The following ADAM28 variants were observed in gnomAD, a reference collection of about 807,000 sequenced individuals.
ADAM28 encodes disintegrin and metalloproteinase domain-containing protein 28.
A neutral mutation model predicts 101.2 loss-of-function variants in ADAM28; 105 were observed. The observed-to-expected ratio is 1.04, with a 90% CI of 0.89 to 1.22. The LOEUF (loss-of-function observed/expected upper bound fraction) is 1.22, where lower values mean the gene tolerates loss of function less well. Ranked by LOEUF, ADAM28 falls within the 50% of genes most tolerant of loss-of-function variation. The pLI, the probability that ADAM28 is intolerant of heterozygous loss-of-function variation, is 0.00. For missense variants in ADAM28, 1,028 were observed against 945.4 expected, an observed-to-expected ratio of 1.09 and a Z score of -1.15; for synonymous variants, 322 against 310.6, an observed-to-expected ratio of 1.04 and a Z score of -0.39.
chr8:24,334,505 T>C (rs888153168), intron 13 of ADAM28, among the ~76,000 whole-genome samples: 4 of 152,106 alleles, frequency 2.6e-5, no homozygotes, highest in African/African-American at 9.7e-5. Context: ...TGAAAAAAGA[T>C]TTTAGACAGA....
At chr8:24,314,056 C>T (rs991089703) in intron 6 of ADAM28, among the ~76,000 whole-genome samples, 18 of 151,988 alleles carry the variant, frequency 1.2e-4, no homozygotes, top group African/African-American at 2.9e-4. Flanking sequence ...CGCACTTAGC[C>T]GGAATCAACT....
rs745965397 is a variant in ADAM28, at chr8:24,339,560, C to G, written c.1662C>G (p.Cys554Trp). 1 of 1,611,362 alleles carries G rather than the reference C, an allele frequency of 6.2e-7. No homozygotes were observed. The highest frequency in any genetic ancestry group is 8.5e-7 in the Non-Finnish European group (1 of 1,178,628). ...CRRVDDTLIP[C>W]KANDTMCGKL... is the part of the protein sequence containing the mutation. The stretch of plus-strand genomic sequence containing the variant: ...GAGTGGATGACACACTCATTCCCTG[C>G]AAAGCAAAGTAAGTGGCCTTGTCTG... Residue 554 changes from cysteine to tryptophan, a missense_variant, in exon 15 of 23, where the codon TGC (cysteine) becomes TGG (tryptophan). Cys to Trp is a radical substitution (Grantham distance 215). Transcript: ENST00000265769.
chr8:24,322,176 G>A (rs931189376), intron 8 of ADAM28, among the ~76,000 whole-genome samples: 3 of 151,994 alleles, frequency 2.0e-5, no homozygotes, highest in African/African-American at 4.8e-5. Context: ...CATTGATAAT[G>A]CAGGAAAGAC....
At chr8:24,335,811 A>T in intron 14 of ADAM28, 170 bp downstream of exon 14, 2 of 1,280,458 alleles carry the variant, frequency 1.6e-6, no homozygotes, top group Non-Finnish European at 2.0e-6. Context: ...TGCTAGATTT[A>T]GCAAGTAAAA....
chr8:24,351,449 T>C, intron 20 of ADAM28, 139 bp downstream of exon 20: 1 of 907,396 alleles, frequency 1.1e-6, no homozygotes, highest in Non-Finnish European at 1.8e-6. Flanking sequence ...CTTTGCCTTT[T>C]GTTAAAGGCA....
rs1200958495 is a variant in ADAM28, at chr8:24,311,384, T to C, written c.330T>C (p.His110=). 1.2e-6 allele frequency: 2 copies of C among 1,613,186 alleles called. No individual in the cohort carries two copies. The highest frequency in any genetic ancestry group is 1.7e-6 in the Non-Finnish European group (2 of 1,179,510). ...AGGATGATTGTTATTATCAAGGACA[T>C]ATTCTTAATGAAAAGGTTTCTGACG... ...QIMDDCYYQG[H]ILNEKVSDAS... Residue 110 remains histidine (H), a synonymous_variant, in exon 5 of 23, where the codon CAT becomes CAC. Coordinates refer to ENST00000265769, the MANE Select transcript of ADAM28 (RefSeq NM_014265.6).
At position 24,335,639 on chromosome 8, in the gene ADAM28, C is replaced by T. The variant is rs1366233563; in HGVS notation, c.1565C>T (p.Pro522Leu). 3 of 1,598,692 alleles carry T rather than the reference C, an allele frequency of 1.9e-6. No individual in the cohort carries two copies. The African/African-American group carries it at 4.0e-5, about 21-fold the overall frequency. ...GAGCAGTGCACAGAGCTGTGGGGACCAGGTAGGAGGACAAATCCTTTCCCC... is the reference window on the plus strand; with the variant it reads ...GAGCAGTGCACAGAGCTGTGGGGACTAGGTAGGAGGACAAATCCTTTCCCC... ...LQEQCTELWG[P>L]GTEVADKSCY... Residue 522 changes from proline to leucine, a missense_variant and splice_region_variant, in exon 14 of 23, where the codon CCA becomes CTA. Coordinates refer to ENST00000265769, the MANE Select transcript of ADAM28 (RefSeq NM_014265.6).
At chr8:24,301,948 A>G (rs1383589447) in intron 2 of ADAM28, among the ~76,000 whole-genome samples, 4 of 152,124 alleles carry the variant, frequency 2.6e-5, no homozygotes, top group African/African-American at 7.2e-5. Flanking sequence ...TGAAAATTCT[A>G]TTTTAAGTTC....
chr8:24,309,926 G>A lies in ADAM28; in HGVS notation c.183G>A (p.Met61Ile), dbSNP rs549521689. 242 of 1,562,474 alleles carry A rather than the reference G, an allele frequency of 1.5e-4. 3 individuals are homozygous for A. The South Asian group carries it at 2.6e-3, about 17-fold the overall frequency. The change falls in exon 3 of 23, where the codon ATG (methionine) becomes ATA (isoleucine). Residue 61 changes from methionine (M) to isoleucine (I), a missense_variant. Met to Ile is a conservative substitution (Grantham distance 10). Coordinates refer to ENST00000265769, the MANE Select transcript of ADAM28 (RefSeq NM_014265.6). ...EQFETELKYKMTINGKIAVLY... is the reference protein window; with the variant it reads ...EQFETELKYKITINGKIAVLY... Reference sequence around the variant, plus strand: ...TTGAAACTGAATTAAAGTATAAAATGACAATTAATGGAAAAATTGCAGTGC... The same window carrying A: ...TTGAAACTGAATTAAAGTATAAAATAACAATTAATGGAAAAATTGCAGTGC...
chr8:24,310,067 G>A, intron 3 of ADAM28, 96 bp from the exon 4 acceptor site: 1 of 1,500,616 alleles, frequency 6.7e-7, no homozygotes, highest in Non-Finnish European at 9.3e-7. Context: ...ACACAAACCT[G>A]GACTAATCAG....
chr8:24,342,774 T>C (rs1248264379), intron 16 of ADAM28, among the ~76,000 whole-genome samples: 3 of 152,198 alleles, frequency 2.0e-5, no homozygotes, highest in Non-Finnish European at 4.4e-5. Context: ...TAGGGCAGAA[T>C]TGAGATGTTT....
Position 24,329,886 on chromosome 8 carries a change from TGAGA to T in ADAM28, c.973-72_973-69del, listed in dbSNP as rs1287352791. 284 of 563,972 alleles carry T rather than the reference TGAGA, an allele frequency of 5.0e-4. 2 individuals carry two copies. Among genetic ancestry groups the T allele is most frequent in the African/African-American group, 2.5e-3 (107 of 43,136 alleles). The allele number at this position is 563,972 out of a possible 1,614,324, so 34.9% of individuals were successfully genotyped here. On this transcript the variant is annotated intron_variant, in intron 10 of 22. Transcript: ENST00000265769. The stretch of plus-strand genomic sequence containing the variant: ...GTGTGTGTTTGTGTGTGTGTGTGTG[TGAGA>T]GAGAGAGAGAGAGAGAGAGAGAGAG...
intron 2 of ADAM28, among the ~76,000 whole-genome samples, chr8:24,301,521 C>G (rs1387806721): frequency 1.3e-5 from 2 of 151,988 alleles, no homozygotes; most frequent in Non-Finnish European, 2.9e-5. Flanking sequence ...CATATTTAGT[C>G]CTTTCAACAA....
chr8:24,315,248 C>A (rs1439530404), intron 6 of ADAM28, among the ~76,000 whole-genome samples: 1 of 151,468 alleles, frequency 6.6e-6, no homozygotes, highest in East Asian at 1.9e-4. Context: ...ATATTCCATG[C>A]AAATGGTAAC....
Position 24,341,346 on chromosome 8 carries a change from A to G in ADAM28, c.1671-252A>G, listed in dbSNP as rs10091660. 1,588 of 358,626 alleles carry G rather than the reference A, an allele frequency of 4.4e-3. 38 individuals carry two copies. Among genetic ancestry groups the G allele is most frequent in the African/African-American group, 0.03 (1,443 of 47,316 alleles). 22.2% of individuals were successfully genotyped at this position (358,626 alleles called of 1,614,324 possible). On this transcript the variant is annotated intron_variant, in intron 15 of 22. Coordinates refer to ENST00000265769, the MANE Select transcript of ADAM28 (RefSeq NM_014265.6). ...GTGCTTAAGATTCTGTTTTCTTCTCATGGGCCAGCACTTCGGCAACTGGCA... is the reference window on the plus strand; with the variant it reads ...GTGCTTAAGATTCTGTTTTCTTCTCGTGGGCCAGCACTTCGGCAACTGGCA...
Position 24,343,765 on chromosome 8 carries a change from T to C in ADAM28, c.1990+181T>C, listed in dbSNP as rs540739928. On this transcript the variant is annotated intron_variant, in intron 18 of 22. Coordinates refer to ENST00000265769, the MANE Select transcript of ADAM28 (RefSeq NM_014265.6). ...ATACCTTTTAATTATATTTTCCGTG[T>C]CTTCATTTTCACTGCACATGCAAAA... Among the ~76,000 whole-genome samples the C allele has an allele frequency of 3.3e-5, 5 of 152,314 alleles. No individual in the cohort carries two copies. In the South Asian group the frequency reaches 1.0e-3, roughly 32 times the overall value.
At chr8:24,351,362 C>G in intron 20 of ADAM28, 52 bp downstream of exon 20, 2 of 1,527,982 alleles carry the variant, frequency 1.3e-6, no homozygotes, top group Non-Finnish European at 1.8e-6. Context: ...TTGCGTTTCT[C>G]TCACACTCTT....
At chr8:24,310,366 G>A in intron 4 of ADAM28, 125 bp downstream of exon 4, 4 of 754,300 alleles carry the variant, frequency 5.3e-6, no homozygotes, top group Non-Finnish European at 8.3e-6. Context: ...TTCAGCAGTA[G>A]CCATTACTTA....
chr8:24,337,640 C>T (rs1369781006), intron 14 of ADAM28, among the ~76,000 whole-genome samples: 2 of 152,152 alleles, frequency 1.3e-5, no homozygotes, highest in South Asian at 2.1e-4. Context: ...CATTTAAATA[C>T]AGCCATTATA....
Sources: gnomAD v4.1 joint callset for allele counts (sites outside exome capture counted in the v4.1 genomes callset) on GRCh38, gnomAD v4.1.1 for gene constraint, MANE v1.5 for transcripts, NCBI Gene and HGNC (gene_info 2026-07-23, HGNC 2026-07-21) for gene names.